DIP2C: variants seen among roughly 807,000 people sequenced by gnomAD.
DIP2C encodes the protein DIP2 acetate--CoA ligase C (putative).
DIP2C carries 33 observed loss-of-function variants against 192.4 expected under a neutral mutation model. The observed-to-expected ratio is 0.17, with a 90% CI of 0.13 to 0.23. DIP2C has a LOEUF of 0.23. Ranked by LOEUF, DIP2C falls within the 10% of genes least tolerant of loss-of-function variation. The pLI is 1.00. For synonymous variants in DIP2C, 979 were observed against 864.1 expected, an observed-to-expected ratio of 1.13 and a Z score of -2.33; for missense variants, 1,537 against 2,110.1, an observed-to-expected ratio of 0.73 and a Z score of 5.32.
chr10:611,754 C>A (rs903417387), intron 1 of DIP2C, among the ~76,000 whole-genome samples: 5 of 152,206 alleles, frequency 3.3e-5, no homozygotes, highest in African/African-American at 9.7e-5. Flanking sequence ...AGCAGGGGCT[C>A]TTGTTCTCCC....
At chr10:517,036 T>TA (rs1359822888) in intron 1 of DIP2C, among the ~76,000 whole-genome samples, 1 of 151,682 alleles carries the variant, frequency 6.6e-6, no homozygotes, top group Non-Finnish European at 1.5e-5. Flanking sequence ...TGGGGGTTTT[T>TA]AAAAGTAGAG....
At chr10:608,219 A>C (rs1184381255) in intron 1 of DIP2C, among the ~76,000 whole-genome samples, 3 of 15,684 alleles carry the variant, frequency 1.9e-4, no homozygotes, top group African/African-American at 1.1e-3. Flanking sequence ...CAGCCCCCCC[A>C]CACACACCCC....
chr10:419,758 CTAT>C (rs1564689554), intron 5 of DIP2C, among the ~76,000 whole-genome samples: 2 of 152,112 alleles, frequency 1.3e-5, no homozygotes, highest in Non-Finnish European at 1.5e-5. Context: ...ACATCAAGAA[CTAT>C]TATTTTATTA....
intron 10 of DIP2C, among the ~76,000 whole-genome samples, chr10:395,111 A>G: frequency 1.4e-5 from 1 of 70,324 alleles, no homozygotes; most frequent in Non-Finnish European, 2.4e-5. Context: ...GGGAGGGAGG[A>G]GTTGGGGGGA....
chr10:294,228 A>G (rs915767486), intron 32 of DIP2C, among the ~76,000 whole-genome samples: 2 of 152,098 alleles, frequency 1.3e-5, no homozygotes, highest in Non-Finnish European at 2.9e-5. Context: ...CCAAGGCCAG[A>G]TGGGTTCCAA....
chr10:457,650 G>T (rs61837255), intron 3 of DIP2C, among the ~76,000 whole-genome samples: 5,495 of 152,242 alleles, frequency 0.036, 184 homozygotes, highest in African/African-American at 0.088. Flanking sequence ...CCAGCTCCTA[G>T]GTTGAAGTGA....
intron 10 of DIP2C, among the ~76,000 whole-genome samples, chr10:395,661 C>T (rs531320398): frequency 6.8e-6 from 1 of 147,882 alleles, no homozygotes; most frequent in Non-Finnish European, 1.5e-5. Context: ...AAAGTCACCT[C>T]AGGGTTATAT....
At chr10:431,026 A>G (rs151022447) in intron 4 of DIP2C, among the ~76,000 whole-genome samples, 296 of 152,330 alleles carry the variant, frequency 1.9e-3, no homozygotes, top group African/African-American at 6.2e-3. Flanking sequence ...TTAGTTGACT[A>G]TATTTTCTTA....
intron 1 of DIP2C, among the ~76,000 whole-genome samples, chr10:544,602 G>T (rs74980157): frequency 6.6e-6 from 1 of 151,918 alleles, no homozygotes; most frequent in African/African-American, 2.4e-5. Flanking sequence ...ACATGTCACC[G>T]TCCAGTACTG....
intron 1 of DIP2C, among the ~76,000 whole-genome samples, chr10:496,553 G>T (rs1356531090): frequency 6.9e-6 from 1 of 144,958 alleles, no homozygotes; most frequent in East Asian, 2.1e-4. Flanking sequence ...CAACGTGAGT[G>T]CTGAGTACAC....
intron 17 of DIP2C, among the ~76,000 whole-genome samples, chr10:376,752 G>T (rs762370123): frequency 6.6e-6 from 1 of 152,106 alleles, no homozygotes; most frequent in African/African-American, 2.4e-5. Flanking sequence ...GCAGCAGAAT[G>T]AACTAATAAA....
chr10:454,660 C>T (rs1969138249), intron 3 of DIP2C, among the ~76,000 whole-genome samples: 1 of 150,398 alleles, frequency 6.6e-6, no homozygotes, highest in Non-Finnish European at 1.5e-5. Context: ...TACAAATGCA[C>T]CATCTATGCT....
intron 1 of DIP2C, among the ~76,000 whole-genome samples, chr10:617,655 A>ACCCCCCCC (rs3049602): frequency 5.9e-4 from 78 of 132,302 alleles, no homozygotes; most frequent in African/African-American, 1.3e-3. Context: ...TGTGGATACC[A>ACCCCCCCC]CCCCCCCACC....
At chr10:429,128 A>G (rs12359901) in intron 4 of DIP2C, among the ~76,000 whole-genome samples, 53,389 of 151,054 alleles carry the variant, frequency 0.35, 10,948 homozygotes, top group Non-Finnish European at 0.46. Context: ...AATGTATAAC[A>G]TGTATCCACC....
intron 1 of DIP2C, among the ~76,000 whole-genome samples, chr10:533,177 C>T (rs115020501): frequency 0.01 from 1,574 of 152,216 alleles, 23 homozygotes; most frequent in African/African-American, 0.035. Flanking sequence ...CCTCCCTCGA[C>T]GAAGCCTAAG....
chr10:555,336 C>G (rs1196711961), intron 1 of DIP2C, among the ~76,000 whole-genome samples: 1 of 152,114 alleles, frequency 6.6e-6, no homozygotes, highest in Non-Finnish European at 1.5e-5. Context: ...TCCTTCATCA[C>G]CAATTTTTCA....
At chr10:613,115 C>A (rs1018402946) in intron 1 of DIP2C, among the ~76,000 whole-genome samples, 2 of 152,060 alleles carry the variant, frequency 1.3e-5, no homozygotes, top group Admixed American at 6.5e-5. Flanking sequence ...AGGCTGACTG[C>A]CTCGTCTGCA....
chr10:605,753 G>A (rs1852413757), intron 1 of DIP2C, among the ~76,000 whole-genome samples: 1 of 152,186 alleles, frequency 6.6e-6, no homozygotes, highest in South Asian at 2.1e-4. Flanking sequence ...ACATAATTAT[G>A]CAATAAAAAT....
intron 10 of DIP2C, 32 bp downstream of exon 10, chr10:399,077 G>A (rs147223687): frequency 0.011 from 17,849 of 1,567,770 alleles, 145 homozygotes; most frequent in Admixed American, 0.016. Context: ...ATCTCACTCA[G>A]CGAGAAACCG....
Sources: gnomAD v4.1 joint callset for allele counts (sites outside exome capture counted in the v4.1 genomes callset) on GRCh38, gnomAD v4.1.1 for gene constraint, MANE v1.5 for transcripts, NCBI Gene and HGNC (gene_info 2026-07-23, HGNC 2026-07-21) for gene names.